MTUS2: variants seen among roughly 807,000 people sequenced by gnomAD.
The protein encoded by MTUS2 is microtubule associated scaffold protein 2, also known as microtubule-associated tumor suppressor candidate 2.
In MTUS2, 40 loss-of-function variants were observed where a neutral mutation model predicts 114.1. The ratio of observed to expected loss-of-function variants is 0.35; its 90% CI spans 0.27 to 0.46. MTUS2 has a LOEUF of 0.46. Among genes scored for constraint, MTUS2 ranks in the 20% least tolerant of loss-of-function variants. MTUS2 has a pLI of 1.00. For synonymous variants in MTUS2, 688 were observed against 672.0 expected (o/e 1.02, Z -0.37); for missense variants, 1,679 against 1,705.4 (o/e 0.98, Z 0.27).
intron 9 of MTUS2, among the ~76,000 whole-genome samples, chr13:29,469,682 C>T (rs1880135080): frequency 6.6e-6 from 1 of 150,712 alleles, no homozygotes; most frequent in Non-Finnish European, 1.5e-5. Flanking sequence ...TGGCTCACAC[C>T]CATAATCCCA....
intron 6 of MTUS2, among the ~76,000 whole-genome samples, chr13:29,289,664 G>A (rs7319135): frequency 0.37 from 56,278 of 151,456 alleles, 10,880 homozygotes; most frequent in East Asian, 0.68. Context: ...ACAGGGTTTC[G>A]CCATCTTGGC....
chr13:29,087,720 T>C (rs769360589), intron 4 of MTUS2, among the ~76,000 whole-genome samples: 5 of 152,188 alleles, frequency 3.3e-5, no homozygotes, highest in Non-Finnish European at 7.3e-5. Flanking sequence ...GTTGTTTTGC[T>C]CTCATTTCTC....
At chr13:29,254,776 G>GCCAGCT (rs1293837542) in intron 5 of MTUS2, among the ~76,000 whole-genome samples, 2 of 152,168 alleles carry the variant, frequency 1.3e-5, no homozygotes, top group African/African-American at 4.8e-5. Context: ...GGAAAACACT[G>GCCAGCT]CCAGCTCTGA....
At chr13:28,839,221 A>G (rs1593236061) in intron 1 of MTUS2, among the ~76,000 whole-genome samples, 2 of 152,264 alleles carry the variant, frequency 1.3e-5, no homozygotes, top group South Asian at 4.1e-4. Context: ...GATTTTTTGA[A>G]TTGAAATTTT....
chr13:29,133,282 T>C (rs112188138), intron 5 of MTUS2, among the ~76,000 whole-genome samples: 1,913 of 152,272 alleles, frequency 0.013, 32 homozygotes, highest in African/African-American at 0.041. Flanking sequence ...AGATATGCAA[T>C]TTGCAAATAT....
At chr13:29,112,616 C>T (rs1224863497) in intron 5 of MTUS2, among the ~76,000 whole-genome samples, 2 of 151,888 alleles carry the variant, frequency 1.3e-5, no homozygotes, top group Non-Finnish European at 2.9e-5. Context: ...TTTTTAAGCA[C>T]ATAAGAATGC....
At chr13:28,837,425 T>C (rs946711044) in intron 1 of MTUS2, among the ~76,000 whole-genome samples, 3 of 152,164 alleles carry the variant, frequency 2.0e-5, no homozygotes, top group African/African-American at 7.2e-5. Context: ...GCCGGTGGTC[T>C]GTAGACCCTA....
intron 7 of MTUS2, among the ~76,000 whole-genome samples, chr13:29,332,473 G>A (rs1201660791): frequency 2.0e-5 from 3 of 151,850 alleles, no homozygotes; most frequent in African/African-American, 7.3e-5. Flanking sequence ...CTGGCTAGTG[G>A]TCTATCTAAT....
chr13:28,904,532 T>A (rs1879860768), intron 2 of MTUS2, among the ~76,000 whole-genome samples: 1 of 152,234 alleles, frequency 6.6e-6, no homozygotes, highest in African/African-American at 2.4e-5. Flanking sequence ...ATTTCTTGTT[T>A]TTGTCAGGTT....
intron 3 of MTUS2, among the ~76,000 whole-genome samples, chr13:29,028,644 A>G (rs1016240177): frequency 1.3e-5 from 2 of 151,920 alleles, no homozygotes; most frequent in African/African-American, 4.8e-5. Context: ...AAGGCCACCC[A>G]TCTTCTCTCT....
intron 8 of MTUS2, among the ~76,000 whole-genome samples, chr13:29,402,664 T>G (rs76868775): frequency 0.012 from 1,850 of 152,288 alleles, 31 homozygotes; most frequent in African/African-American, 0.042. Flanking sequence ...TTTGTCTCCT[T>G]ATAATATTCC....
chr13:28,847,835 T>C (rs190111034), intron 2 of MTUS2, among the ~76,000 whole-genome samples: 100 of 152,224 alleles, frequency 6.6e-4, no homozygotes, highest in African/African-American at 1.9e-3. Flanking sequence ...GGACCTCACA[T>C]AGATGCAGCC....
chr13:28,908,785 A>G (rs1420776133), intron 2 of MTUS2, among the ~76,000 whole-genome samples: 1 of 151,512 alleles, frequency 6.6e-6, no homozygotes, highest in African/African-American at 2.4e-5. Flanking sequence ...CCTGAATGGT[A>G]TTGCCTAGGT....
intron 5 of MTUS2, among the ~76,000 whole-genome samples, chr13:29,266,258 C>G (rs755514069): frequency 6.6e-6 from 1 of 152,114 alleles, no homozygotes; most frequent in Non-Finnish European, 1.5e-5. Flanking sequence ...CACTTTTATC[C>G]CCATTTTAAG....
intron 2 of MTUS2, among the ~76,000 whole-genome samples, chr13:28,973,583 C>A (rs1883953598): frequency 6.6e-6 from 1 of 152,180 alleles, no homozygotes; most frequent in South Asian, 2.1e-4. Flanking sequence ...TCCTATTTTA[C>A]CACATTTTAG....
Position 28,905,448 on chromosome 13 carries a change from A to C in MTUS2, c.-243+65598A>C, listed in dbSNP as rs920985642. Among the ~76,000 whole-genome samples, 5 of 151,744 alleles carry C rather than the reference A, an allele frequency of 3.3e-5. No homozygotes were observed. The East Asian group carries it at 9.6e-4, about 29-fold the overall frequency. ...CATCCCATCAATACCTCATTTATTG[A>C]GAGTTTTTAGCATGAAGGTTGTTGA... On this transcript the variant is annotated intron_variant, in intron 2 of 15. Transcript: ENST00000612955.
chr13:29,254,380 A>G (rs1252077384), intron 5 of MTUS2, among the ~76,000 whole-genome samples: 1 of 152,224 alleles, frequency 6.6e-6, no homozygotes, highest in African/African-American at 2.4e-5. Context: ...TGTGGGATAG[A>G]GTGGGGAAAT....
chr13:29,442,643 C>A (rs1877974804), intron 9 of MTUS2, among the ~76,000 whole-genome samples: 2 of 9,042 alleles, frequency 2.2e-4, no homozygotes, highest in Admixed American at 2.2e-3. Flanking sequence ...CACAGGGAGG[C>A]AGCATTGGTG....
At chr13:29,426,186 C>T (rs74042063) in intron 8 of MTUS2, among the ~76,000 whole-genome samples, 2,450 of 152,324 alleles carry the variant, frequency 0.016, 66 homozygotes, top group African/African-American at 0.055. Context: ...CAAGCTACCA[C>T]TTCTCTTTTA....
Sources: allele counts gnomAD v4.1 joint callset (sites outside exome capture counted in the v4.1 genomes callset), GRCh38; gene constraint gnomAD v4.1.1; transcripts MANE v1.5; gene names NCBI Gene and HGNC (gene_info 2026-07-23, HGNC 2026-07-21).